Variants in DTWD2 observed in about 807,000 individuals in gnomAD.
DTWD2 encodes the protein DTW motif tRNA-uridine aminocarboxypropyltransferase 2.
In DTWD2, 39 loss-of-function variants were observed where a neutral mutation model predicts 31.8. The ratio of observed to expected loss-of-function variants is 1.22; its 90% CI spans 0.95 to 1.60. DTWD2 has a LOEUF of 1.60. Among genes scored for constraint, DTWD2 ranks in the 40% most tolerant of loss-of-function variants. The probability of loss-of-function intolerance (pLI) is 0.00; values close to 1 mark genes in which losing one functional copy is unlikely to be tolerated. For synonymous variants in DTWD2, 180 were observed against 142.8 expected (o/e 1.26, Z -1.86); for missense variants, 515 against 381.5 (o/e 1.35, Z -2.92).
chr5:118,985,174 T>C (rs74592708), intron 1 of DTWD2, among the ~76,000 whole-genome samples: 3,100 of 152,148 alleles, frequency 0.02, 103 homozygotes, highest in African/African-American at 0.07. Flanking sequence ...ATATATTCTA[T>C]ACACTAAACT....
chr5:118,882,169 C>T (rs1172128287), intron 4 of DTWD2, among the ~76,000 whole-genome samples: 2 of 152,202 alleles, frequency 1.3e-5, no homozygotes, highest in Non-Finnish European at 2.9e-5. Flanking sequence ...AACAAAGGGA[C>T]CACAGGCCGC....
intron 1 of DTWD2, among the ~76,000 whole-genome samples, chr5:118,971,540 T>G (rs1754988067): frequency 6.6e-6 from 1 of 152,114 alleles, no homozygotes; most frequent in Non-Finnish European, 1.5e-5. Context: ...GTGAGAGACT[T>G]TAACACCCCA....
intron 4 of DTWD2, among the ~76,000 whole-genome samples, chr5:118,884,527 G>C (rs1366092024): frequency 6.6e-6 from 1 of 152,074 alleles, no homozygotes; most frequent in Non-Finnish European, 1.5e-5. Flanking sequence ...ATTTATCTTA[G>C]TACAGGGTAC....
At chr5:118,934,392 T>G (rs1339797129) in intron 3 of DTWD2, among the ~76,000 whole-genome samples, 4 of 150,924 alleles carry the variant, frequency 2.7e-5, no homozygotes, top group Non-Finnish European at 2.9e-5. Context: ...CCAGTTTCCC[T>G]TATTATCTAA....
Position 118,986,120 on chromosome 5 carries a change from A to T in DTWD2, c.218+2174T>A, listed in dbSNP as rs182290633. Among the ~76,000 whole-genome samples the T allele has an allele frequency of 3.4e-3, 523 of 152,312 alleles. 4 individuals carry two copies. Among genetic ancestry groups the T allele is most frequent in the African/African-American group, 0.012 (492 of 41,574 alleles). ...GCACCTACCATGTCCCATGACCCTC[A>T]GCCTTCTTATGTTATCTCAAATAAT... On this transcript the variant is annotated intron_variant, in intron 1 of 5. Transcript: ENST00000510708.
At chr5:118,861,120 A>G (rs954373160) in intron 4 of DTWD2, among the ~76,000 whole-genome samples, 6 of 152,210 alleles carry the variant, frequency 3.9e-5, no homozygotes, top group Non-Finnish European at 8.8e-5. Context: ...GAAGGGTTCT[A>G]AAAATGAAAT....
chr5:118,955,133 T>C (rs1158769731), intron 1 of DTWD2, among the ~76,000 whole-genome samples: 2 of 152,200 alleles, frequency 1.3e-5, no homozygotes, highest in Non-Finnish European at 2.9e-5. Context: ...TGATTTAACC[T>C]AAAACTAATT....
intron 4 of DTWD2, among the ~76,000 whole-genome samples, chr5:118,880,472 C>G (rs1221599089): frequency 6.6e-6 from 1 of 151,978 alleles, no homozygotes; most frequent in Non-Finnish European, 1.5e-5. Context: ...ACAACAAAAC[C>G]GTTATTATAT....
chr5:118,867,711 T>C (rs528136991), intron 4 of DTWD2, among the ~76,000 whole-genome samples: 1 of 152,294 alleles, frequency 6.6e-6, no homozygotes, highest in East Asian at 1.9e-4. Context: ...CACATGAACA[T>C]GCAGTCATCT....
At chr5:118,858,874 C>T (rs1752196445) in intron 4 of DTWD2, among the ~76,000 whole-genome samples, 1 of 152,158 alleles carries the variant, frequency 6.6e-6, no homozygotes, top group South Asian at 2.1e-4. Flanking sequence ...CCACACATTG[C>T]AGTTAGCTGT....
At chr5:118,902,915 CATAA>C (rs1753247387) in intron 4 of DTWD2, among the ~76,000 whole-genome samples, 1 of 151,986 alleles carries the variant, frequency 6.6e-6, no homozygotes, top group South Asian at 2.1e-4. Flanking sequence ...GTTTATACCA[CATAA>C]ATAAATAGAT....
chr5:118,922,160 T>C (rs1052094994), intron 4 of DTWD2, among the ~76,000 whole-genome samples: 10 of 152,290 alleles, frequency 6.6e-5, no homozygotes, highest in African/African-American at 2.2e-4. Flanking sequence ...GGGAAAGAGA[T>C]TCACTGCCAA....
intron 4 of DTWD2, among the ~76,000 whole-genome samples, chr5:118,909,619 C>T (rs1227687431): frequency 6.6e-6 from 1 of 152,226 alleles, no homozygotes; most frequent in Non-Finnish European, 1.5e-5. Context: ...GTGCACACTG[C>T]TGCAATCAGA....
At chr5:118,979,614 C>A (rs1157442524) in intron 1 of DTWD2, among the ~76,000 whole-genome samples, 1 of 152,200 alleles carries the variant, frequency 6.6e-6, no homozygotes, top group East Asian at 1.9e-4. Flanking sequence ...TCCACATGCC[C>A]ATCAATAATA....
In DTWD2 at chr5:118,839,241, AT is replaced by A. The variant is rs2112662011; in HGVS notation, c.*1675del. 1 of 152,240 alleles carries A rather than the reference AT, an allele frequency of 6.6e-6. No homozygotes were observed. Among genetic ancestry groups the A allele is most frequent in the African/African-American group, 2.4e-5 (1 of 41,558 alleles). The allele number at this position is 152,240 out of a possible 1,614,324, so 9.4% of individuals were successfully genotyped here. On this transcript the variant is annotated 3_prime_UTR_variant, in exon 6 of 6. Transcript: ENST00000510708. The stretch of plus-strand genomic sequence containing the variant: ...CAATGTGAAAAATTACTACAAAATG[AT>A]TTTAGCCCCACTTGTTAAGAAACTA...
In DTWD2 at chr5:118,836,576, T is replaced by C. The variant is rs1751574310; in HGVS notation, c.*4341A>G. Among the ~76,000 whole-genome samples the C allele has an allele frequency of 6.6e-6, 1 of 152,200 alleles. No homozygotes were observed. Among genetic ancestry groups the C allele is most frequent in the Non-Finnish European group, 1.5e-5 (1 of 68,036 alleles). ...TTAAAAATTGAAAAACAATTACTTATTTCTCTAATATGCTTTTTAGTAGAG... is the reference window on the plus strand; with the variant it reads ...TTAAAAATTGAAAAACAATTACTTACTTCTCTAATATGCTTTTTAGTAGAG... On this transcript the variant is annotated 3_prime_UTR_variant, in exon 6 of 6. Transcript: ENST00000510708.
At chr5:118,940,161 C>T (rs1382452131) in intron 2 of DTWD2, among the ~76,000 whole-genome samples, 3 of 152,146 alleles carry the variant, frequency 2.0e-5, no homozygotes, top group African/African-American at 7.2e-5. Context: ...AGTTGACTGT[C>T]GTCAGTGGTT....
At chr5:118,943,379 G>A (rs58907676) in intron 2 of DTWD2, among the ~76,000 whole-genome samples, 6,103 of 152,060 alleles carry the variant, frequency 0.04, 412 homozygotes, top group African/African-American at 0.14. Flanking sequence ...GTGAAACCCC[G>A]TCTCTACTAA....
At chr5:118,939,346 AAATATTTTATAATGAAC>A (rs1270872793) in intron 2 of DTWD2, 56 bp from the exon 3 acceptor site, 21 of 1,373,130 alleles carry the variant, frequency 1.5e-5, no homozygotes, top group Non-Finnish European at 2.0e-5. Context: ...ACACACTTTT[AAATATTTTATAATGAAC>A]ATCTGATTCA....
Sources: allele counts gnomAD v4.1 joint callset (sites outside exome capture counted in the v4.1 genomes callset), GRCh38; gene constraint gnomAD v4.1.1; transcripts MANE v1.5; gene names NCBI Gene and HGNC (gene_info 2026-07-23, HGNC 2026-07-21).